The following KCNH7 variants were observed in gnomAD, a reference collection of about 807,000 sequenced individuals.
The protein encoded by KCNH7 is potassium voltage-gated channel subfamily H member 7.
A neutral mutation model predicts 120.8 loss-of-function variants in KCNH7; 49 were observed. That is an observed-to-expected ratio of 0.41 (90% CI 0.32 to 0.51). The LOEUF (loss-of-function observed/expected upper bound fraction) is 0.51, where lower values mean the gene tolerates loss of function less well. KCNH7 is among the 20% of genes least tolerant of loss of function. The pLI is 0.38. For missense variants in KCNH7, 1,097 were observed against 1,446.6 expected, an observed-to-expected ratio of 0.76 and a Z score of 3.92; for synonymous variants, 547 against 516.1, an observed-to-expected ratio of 1.06 and a Z score of -0.81.
At chr2:162,383,784 G>A (rs1373653755) in intron 13 of KCNH7, among the ~76,000 whole-genome samples, 1 of 151,836 alleles carries the variant, frequency 6.6e-6, no homozygotes, top group Non-Finnish European at 1.5e-5. Flanking sequence ...AATACTAACA[G>A]TTGGGGATTT....
intron 2 of KCNH7, among the ~76,000 whole-genome samples, chr2:162,626,839 A>AG (rs1683578731): frequency 6.6e-6 from 1 of 152,172 alleles, no homozygotes; most frequent in African/African-American, 2.4e-5. Context: ...TAGGAAATAG[A>AG]GGGTAACTAA....
chr2:162,372,646 C>T (rs533250569), intron 15 of KCNH7, among the ~76,000 whole-genome samples: 7 of 152,194 alleles, frequency 4.6e-5, no homozygotes, highest in Admixed American at 6.6e-5. Context: ...ATTACCTTCT[C>T]TTATTAGTGT....
chr2:162,739,373 G>T (rs142065505), intron 2 of KCNH7, among the ~76,000 whole-genome samples: 51 of 152,060 alleles, frequency 3.4e-4, no homozygotes, highest in Non-Finnish European at 5.3e-4. Flanking sequence ...TGTCGCCATG[G>T]ATTCTTAGAT....
At chr2:162,625,960 A>G (rs551030893) in intron 2 of KCNH7, among the ~76,000 whole-genome samples, 10 of 152,210 alleles carry the variant, frequency 6.6e-5, no homozygotes, top group Admixed American at 1.3e-4. Context: ...ATGTCCATCA[A>G]ATGGAATTCA....
intron 2 of KCNH7, among the ~76,000 whole-genome samples, chr2:162,671,494 G>A (rs1410672607): frequency 6.6e-6 from 1 of 151,694 alleles, no homozygotes; most frequent in African/African-American, 2.4e-5. Flanking sequence ...TTATTTGTGA[G>A]AGGTAACCAA....
chr2:162,477,446 AAAAAGTC>A (rs1689784119), intron 6 of KCNH7, among the ~76,000 whole-genome samples: 9 of 152,194 alleles, frequency 5.9e-5, no homozygotes, highest in Admixed American at 5.9e-4. Flanking sequence ...TGCTTGAGAA[AAAAAGTC>A]AACAGGGTCT....
intron 2 of KCNH7, among the ~76,000 whole-genome samples, chr2:162,546,949 C>G (rs922466820): frequency 3.9e-5 from 6 of 151,966 alleles, no homozygotes; most frequent in African/African-American, 1.2e-4. Context: ...GTGAGGGAAG[C>G]TGTATTAGTC....
chr2:162,736,528 A>T (rs2105401205), intron 2 of KCNH7, among the ~76,000 whole-genome samples: 1 of 152,280 alleles, frequency 6.6e-6, no homozygotes, highest in East Asian at 1.9e-4. Flanking sequence ...TAGATTGAGG[A>T]TGATGTTGCT....
intron 6 of KCNH7, among the ~76,000 whole-genome samples, chr2:162,486,341 AG>A (rs1690094361): frequency 1.3e-5 from 2 of 152,266 alleles, no homozygotes; most frequent in East Asian, 3.9e-4. Context: ...CCCTCCCAGC[AG>A]GGAGATTTGG....
Position 162,379,973 on chromosome 2 carries a change from G to A in KCNH7, c.3011C>T (p.Pro1004Leu). The A allele has an allele frequency of 6.2e-7, 1 of 1,614,066 alleles. No homozygotes were observed. The highest frequency in any genetic ancestry group is 8.5e-7 in the Non-Finnish European group (1 of 1,179,954). The change falls in exon 14 of 16, where the codon CCT becomes CTT. Residue 1004 changes from proline to leucine, a missense_variant. Physicochemically the swap from Pro to Leu is moderately conservative, Grantham distance 98. This residue lies in a region of KCNH7 where 406 missense variants were observed against 410.5 expected (regional missense o/e 0.99). Transcript: ENST00000332142. ...AAGTGCAGATGGACTGGAGTCTTCAGGCTGGGGATGTGCATTTTCTCGTTC... is the reference window on the plus strand; with the variant it reads ...AAGTGCAGATGGACTGGAGTCTTCAAGCTGGGGATGTGCATTTTCTCGTTC... ...SWERENAHPQ[P>L]EDSSPSALQR... is the part of the protein sequence containing the mutation.
At chr2:162,465,345 G>A (rs913442099) in intron 6 of KCNH7, among the ~76,000 whole-genome samples, 4 of 152,070 alleles carry the variant, frequency 2.6e-5, no homozygotes, top group Admixed American at 6.6e-5. Flanking sequence ...TAATCATTGC[G>A]TTGGTGATAT....
intron 6 of KCNH7, among the ~76,000 whole-genome samples, chr2:162,475,929 C>T (rs1017272222): frequency 2.0e-5 from 3 of 152,134 alleles, no homozygotes; most frequent in African/African-American, 4.8e-5. Context: ...ATCTGGTGGA[C>T]GTTTGTTAGT....
At chr2:162,777,022 C>G (rs890525862) in intron 2 of KCNH7, among the ~76,000 whole-genome samples, 1 of 152,142 alleles carries the variant, frequency 6.6e-6, no homozygotes, top group African/African-American at 2.4e-5. Flanking sequence ...AGTGCCCATT[C>G]ACCATCTTTG....
intron 2 of KCNH7, among the ~76,000 whole-genome samples, chr2:162,634,299 T>C (rs184650514): frequency 6.6e-6 from 1 of 152,168 alleles, no homozygotes; most frequent in Non-Finnish European, 1.5e-5. Flanking sequence ...TCTCTTTCTT[T>C]GTATAGGTAA....
chr2:162,457,918 A>G (rs1689022392), intron 6 of KCNH7, among the ~76,000 whole-genome samples: 1 of 152,190 alleles, frequency 6.6e-6, no homozygotes, highest in Non-Finnish European at 1.5e-5. Flanking sequence ...GAAACCAGCA[A>G]TCTCATTGAT....
At chr2:162,588,590 T>C (rs575467676) in intron 2 of KCNH7, among the ~76,000 whole-genome samples, 1 of 152,214 alleles carries the variant, frequency 6.6e-6, no homozygotes, top group Admixed American at 6.5e-5. Context: ...GTATTTTGTA[T>C]AGTTTAAAAT....
At chr2:162,807,272 A>AAAAAAAAAAAAAAAAAC (rs1559143065) in intron 2 of KCNH7, among the ~76,000 whole-genome samples, 1 of 119,020 alleles carries the variant, frequency 8.4e-6, no homozygotes, top group Admixed American at 9.6e-5. Context: ...AAAAAAAAAA[A>AAAAAAAAAAAAAAAAAC]AAAAAAAAAA....
chr2:162,701,532 G>C (rs1686498642), intron 2 of KCNH7, among the ~76,000 whole-genome samples: 1 of 152,064 alleles, frequency 6.6e-6, no homozygotes, highest in South Asian at 2.1e-4. Flanking sequence ...TAATGAAGTT[G>C]ACAGAAGGGA....
At chr2:162,673,629 T>C (rs979191565) in intron 2 of KCNH7, among the ~76,000 whole-genome samples, 1 of 152,090 alleles carries the variant, frequency 6.6e-6, no homozygotes, top group Non-Finnish European at 1.5e-5. Flanking sequence ...TAGGGGTTGC[T>C]CATTCAGTAT....
Sources: allele counts gnomAD v4.1 joint callset (sites outside exome capture counted in the v4.1 genomes callset), GRCh38; gene constraint gnomAD v4.1.1; regional missense constraint gnomAD v4.1.1; transcripts MANE v1.5; gene names NCBI Gene and HGNC (gene_info 2026-07-23, HGNC 2026-07-21).